The following NOVA1 variants were observed in gnomAD, a reference collection of about 807,000 sequenced individuals.
NOVA1 encodes the protein RNA-binding protein Nova-1.
Under a neutral mutation model 38.0 loss-of-function variants are expected in NOVA1, and 7 were observed. The ratio of observed to expected loss-of-function variants is 0.18; its 90% CI spans 0.10 to 0.35. The LOEUF (loss-of-function observed/expected upper bound fraction) is 0.35. Ranked by LOEUF, NOVA1 falls within the 10% of genes least tolerant of loss-of-function variation. The pLI is 1.00. For missense variants in NOVA1, 460 were observed against 616.0 expected (o/e 0.75, Z 2.68); for synonymous variants, 270 against 232.5 (o/e 1.16, Z -1.47).
intron 4 of NOVA1, among the ~76,000 whole-genome samples, chr14:26,456,397 C>T (rs190053318): frequency 6.6e-6 from 1 of 151,836 alleles, no homozygotes; most frequent in African/African-American, 2.4e-5. Context: ...TGGGAGTTAA[C>T]ATACAAATTG....
chr14:26,597,293 A>C lies in NOVA1; in HGVS notation c.136+8T>G, dbSNP rs1894259382. 2 of 1,244,452 alleles carry C rather than the reference A, an allele frequency of 1.6e-6. No homozygotes were observed. The highest frequency in any genetic ancestry group is 3.2e-5 in the African/African-American group (2 of 63,374). The allele number at this position is 1,244,452 out of a possible 1,614,324, so 77.1% of individuals were successfully genotyped here. A position where few individuals can be genotyped will look rare whatever the true frequency, so the allele number is the denominator to read the frequency against. On this transcript the variant is annotated splice_region_variant and intron_variant, in intron 1 of 4. Transcript: ENST00000539517. ...TGGGGCCAGCGGGGAGGTGGAAGCG[A>C]TACCCACCGCCCGTATTGGTCCTCT...
At chr14:26,486,345 C>G (rs992144929) in intron 2 of NOVA1, among the ~76,000 whole-genome samples, 3 of 151,926 alleles carry the variant, frequency 2.0e-5, no homozygotes, top group African/African-American at 4.8e-5. Context: ...TTATAATTTG[C>G]TGTTTCTAGT....
chr14:26,461,671 G>A (rs149774948), intron 4 of NOVA1, among the ~76,000 whole-genome samples: 1,550 of 151,366 alleles, frequency 0.01, 18 homozygotes, highest in Middle Eastern at 0.037. Flanking sequence ...GCTCATGCCT[G>A]TAATCCGAGC....
chr14:26,451,583 G>C (rs181574085), intron 4 of NOVA1, among the ~76,000 whole-genome samples: 2 of 152,164 alleles, frequency 1.3e-5, no homozygotes, highest in East Asian at 3.9e-4. Context: ...ATGTTGTCCA[G>C]GCTGGTCTCA....
At chr14:26,526,489 A>C (rs1340549546) in intron 2 of NOVA1, among the ~76,000 whole-genome samples, 1 of 152,222 alleles carries the variant, frequency 6.6e-6, no homozygotes, top group African/African-American at 2.4e-5. Context: ...TAGACAAAAT[A>C]TACTTTTATT....
In NOVA1 at chr14:26,449,047, ATAATAAACTGAAAAT is replaced by A. The variant is rs1316517170; in HGVS notation, c.520-99_520-85del. The A allele has an allele frequency of 2.4e-6, 3 of 1,241,186 alleles. No individual in the cohort carries two copies. In the East Asian group the frequency reaches 7.3e-5, roughly 30 times the overall value. 76.9% of individuals were successfully genotyped at this position (1,241,186 alleles called of 1,614,324 possible). On this transcript the variant is annotated intron_variant, in intron 4 of 4. Coordinates refer to ENST00000539517, the MANE Select transcript of NOVA1 (RefSeq NM_002515.3). ...TACTTTGCTATCCTAGAAAAGTAAA[ATAATAAACTGAAAAT>A]TAAACATAATTTATGAAACAGAAAT... is the stretch of plus-strand genomic sequence containing the variant.
chr14:26,501,307 G>A (rs958489835), intron 2 of NOVA1, among the ~76,000 whole-genome samples: 6 of 151,900 alleles, frequency 3.9e-5, no homozygotes, highest in African/African-American at 1.4e-4. Flanking sequence ...TACATCAGGG[G>A]CCACAGAAGA....
intron 4 of NOVA1, among the ~76,000 whole-genome samples, chr14:26,464,168 T>C (rs1883929307): frequency 6.6e-6 from 1 of 152,190 alleles, no homozygotes; most frequent in Admixed American, 6.5e-5. Context: ...TTCCCATATA[T>C]AGTCATGTGC....
intron 2 of NOVA1, among the ~76,000 whole-genome samples, chr14:26,568,660 C>A (rs536034566): frequency 1.3e-5 from 2 of 152,150 alleles, no homozygotes; most frequent in African/African-American, 4.8e-5. Context: ...AATGCAGGAA[C>A]CTGGAAGAGC....
chr14:26,489,537 T>C (rs920525261), intron 2 of NOVA1, among the ~76,000 whole-genome samples: 22 of 151,610 alleles, frequency 1.5e-4, no homozygotes, highest in Admixed American at 7.9e-4. Context: ...TTAAAATGTA[T>C]TAATTTTTTA....
chr14:26,468,324 AC>A (rs1317935048), intron 4 of NOVA1, among the ~76,000 whole-genome samples: 6 of 130,666 alleles, frequency 4.6e-5, no homozygotes, highest in African/African-American at 1.4e-4. Flanking sequence ...AAAAAAAAAA[AC>A]CCTCACAAAA....
chr14:26,565,136 GGTCTTC>G (rs1246787442), intron 2 of NOVA1, among the ~76,000 whole-genome samples: 1 of 152,036 alleles, frequency 6.6e-6, no homozygotes, highest in Admixed American at 6.6e-5. Flanking sequence ...TTTTGTAGTT[GGTCTTC>G]GTCTCAGAAA....
At chr14:26,537,964 G>A (rs1206747732) in intron 2 of NOVA1, among the ~76,000 whole-genome samples, 7 of 152,158 alleles carry the variant, frequency 4.6e-5, no homozygotes, top group Non-Finnish European at 1.0e-4. Context: ...TGTAGAGGAA[G>A]AGGGATCCAG....
intron 2 of NOVA1, among the ~76,000 whole-genome samples, chr14:26,583,916 CACACAT>C (rs941738283): frequency 1.6e-4 from 20 of 122,186 alleles, no homozygotes; most frequent in African/African-American, 5.0e-4. Flanking sequence ...CACACACACA[CACACAT>C]ATATTGTATA....
Position 26,448,439 on chromosome 14 carries a change from T to A in NOVA1, c.1044A>T (p.Ala348=), listed in dbSNP as rs202158129. 6.2e-6 allele frequency: 10 copies of A among 1,612,070 alleles called. No homozygotes were observed. The highest frequency in any genetic ancestry group is 7.6e-6 in the Non-Finnish European group (9 of 1,179,478). ...CTGCTGCTGGGTTGGCACTGGCAGCTGCTGCAGCCAAAGCCCCTGTTGCTG... is the reference window on the plus strand; with the variant it reads ...CTGCTGCTGGGTTGGCACTGGCAGCAGCTGCAGCCAAAGCCCCTGTTGCTG... ...QAAATGALAA[A]AASANPAAAA... The change falls in exon 5 of 5, where the codon GCA becomes GCT. Residue 348 remains alanine (A), a synonymous_variant. Transcript: ENST00000539517. This position sits in a 1 kb window ranked among gnomAD's most constrained non-coding sequence, Gnocchi z 5.3.
intron 4 of NOVA1, among the ~76,000 whole-genome samples, chr14:26,463,859 T>C (rs80311299): frequency 0.041 from 6,268 of 152,248 alleles, 189 homozygotes; most frequent in South Asian, 0.098. Context: ...ACCAGCACCA[T>C]TCATAAAATA....
rs936369872 is a variant in NOVA1, at chr14:26,528,687, A to C, written c.281-48544T>G. Among the ~76,000 whole-genome samples the C allele has an allele frequency of 2.6e-5, 4 of 152,274 alleles. No individual in the cohort carries two copies. The South Asian group carries it at 8.3e-4, about 32-fold the overall frequency. ...TCAGCTCAACTGTTGACCAATGAAG[A>C]ATCTTAATCTAAGGAAAGCTGCTGA... On this transcript the variant is annotated intron_variant, in intron 2 of 4. Coordinates refer to ENST00000539517, the MANE Select transcript of NOVA1 (RefSeq NM_002515.3).
At chr14:26,550,561 C>T (rs1394879133) in intron 2 of NOVA1, among the ~76,000 whole-genome samples, 1 of 152,132 alleles carries the variant, frequency 6.6e-6, no homozygotes, top group African/African-American at 2.4e-5. Flanking sequence ...CCTGTCCACA[C>T]AATTTATCTT....
intron 2 of NOVA1, among the ~76,000 whole-genome samples, chr14:26,525,088 C>G (rs1237740165): frequency 6.6e-6 from 1 of 152,084 alleles, no homozygotes; most frequent in Non-Finnish European, 1.5e-5. Flanking sequence ...CAGAGTAAAA[C>G]ATTCAAATTC....
Sources: allele counts gnomAD v4.1 joint callset (sites outside exome capture counted in the v4.1 genomes callset), GRCh38; gene constraint gnomAD v4.1.1; non-coding constraint Gnocchi (gnomAD v3.1); transcripts MANE v1.5; gene names NCBI Gene and HGNC (gene_info 2026-07-23, HGNC 2026-07-21).